EYA1: variants seen among roughly 807,000 people sequenced by gnomAD.
EYA1 encodes EYA transcriptional coactivator and phosphatase 1, also known as protein phosphatase EYA1.
In EYA1, 16 loss-of-function variants were observed where a neutral mutation model predicts 82.0. That is an observed-to-expected ratio of 0.20 (90% CI 0.13 to 0.30). The LOEUF (loss-of-function observed/expected upper bound fraction) is 0.30, where lower values mean the gene tolerates loss of function less well. EYA1 is among the 10% of genes least tolerant of loss of function. The pLI is 1.00. For synonymous variants in EYA1, 261 were observed against 264.4 expected (o/e 0.99, Z 0.12); for missense variants, 633 against 730.7 (o/e 0.87, Z 1.54).
At chr8:71,507,107 C>A (rs151056812) in intron 2 of EYA1, among the ~76,000 whole-genome samples, 1 of 152,168 alleles carries the variant, frequency 6.6e-6, no homozygotes, top group Non-Finnish European at 1.5e-5. Flanking sequence ...GTACTATGTG[C>A]CAGGCACTAG....
intron 2 of EYA1, among the ~76,000 whole-genome samples, chr8:71,485,776 A>G (rs778476102): frequency 1.3e-5 from 2 of 152,216 alleles, no homozygotes; most frequent in African/African-American, 4.8e-5. Flanking sequence ...AAGGGCTGAA[A>G]TGTTTCCAAA....
intron 2 of EYA1, among the ~76,000 whole-genome samples, chr8:71,489,819 A>G (rs1810861439): frequency 1.3e-5 from 2 of 152,256 alleles, no homozygotes; most frequent in African/African-American, 2.4e-5. Flanking sequence ...TCAGTTGACA[A>G]TGCTGCAACC....
chr8:71,317,447 C>T, intron 7 of EYA1, 105 bp downstream of exon 7: 1 of 1,217,902 alleles, frequency 8.2e-7, no homozygotes, highest in Non-Finnish European at 1.2e-6. Context: ...AAGCCCAATC[C>T]AGTTGCCATC....
At chr8:71,357,910 A>G (rs2129073905) in intron 1 of EYA1, among the ~76,000 whole-genome samples, 1 of 152,206 alleles carries the variant, frequency 6.6e-6, no homozygotes, top group East Asian at 1.9e-4. Context: ...ATGTTCTCAC[A>G]CAAGTTTAAG....
At position 71,295,456 on chromosome 8, in the gene EYA1, C is replaced by A. The variant is rs532369152; in HGVS notation, c.826+3591G>T. Among the ~76,000 whole-genome samples the A allele has an allele frequency of 6.6e-5, 10 of 152,170 alleles. No individual in the cohort carries two copies. In the South Asian group the frequency reaches 2.1e-3, roughly 32 times the overall value. The stretch of plus-strand genomic sequence containing the variant: ...CTCACCAAAGAAGACATACAGATGG[C>A]AAATAAGCATATGAAAAGGTGCTTC... On this transcript the variant is annotated intron_variant, in intron 9 of 17. Coordinates refer to ENST00000340726, the MANE Select transcript of EYA1 (RefSeq NM_000503.6).
At chr8:71,226,361 A>G (rs1240614196) in intron 12 of EYA1, among the ~76,000 whole-genome samples, 1 of 151,984 alleles carries the variant, frequency 6.6e-6, no homozygotes, top group Non-Finnish European at 1.5e-5. Context: ...TACAATGTTA[A>G]TAAATATGAT....
chr8:71,334,415 A>G (rs937599320), intron 3 of EYA1: 1 of 540,300 alleles, frequency 1.9e-6, no homozygotes, highest in African/African-American at 1.9e-5. Flanking sequence ...CTGTAAAAGT[A>G]ATTAAATTCA....
chr8:71,394,769 A>C (rs1179240463), intron 2 of EYA1, among the ~76,000 whole-genome samples: 1 of 152,172 alleles, frequency 6.6e-6, no homozygotes, highest in African/African-American at 2.4e-5. Context: ...TGTCTTGGCA[A>C]TGAGGGCTCT....
chr8:71,416,388 G>T (rs1035973939), intron 2 of EYA1, among the ~76,000 whole-genome samples: 7 of 152,148 alleles, frequency 4.6e-5, no homozygotes, highest in Non-Finnish European at 8.8e-5. Flanking sequence ...TTGCAGTTGT[G>T]CCATCTGGGT....
intron 2 of EYA1, among the ~76,000 whole-genome samples, chr8:71,455,928 A>C (rs1807858065): frequency 1.3e-5 from 2 of 152,196 alleles, no homozygotes; most frequent in Non-Finnish European, 2.9e-5. Context: ...AGGAGAAAGA[A>C]ATGAAGGGTA....
chr8:71,472,786 A>AAGAT (rs1554592227), intron 2 of EYA1, among the ~76,000 whole-genome samples: 5 of 82,512 alleles, frequency 6.1e-5, no homozygotes, highest in Admixed American at 1.4e-4. Context: ...TGTAGCTTTG[A>AAGAT]AGATATATAT....
At chr8:71,280,908 C>T (rs1479629271) in intron 9 of EYA1, among the ~76,000 whole-genome samples, 2 of 151,344 alleles carry the variant, frequency 1.3e-5, no homozygotes, top group Non-Finnish European at 2.9e-5. Context: ...ACCACCATCC[C>T]CAGCTAATTT....
At chr8:71,366,433 G>A (rs1827760465), upstream of EYA1, among the ~76,000 whole-genome samples, 1 of 152,086 alleles carries the variant, frequency 6.6e-6, no homozygotes, top group Admixed American at 6.6e-5. Flanking sequence ...TGTGAAATGG[G>A]TTTCTGTTGA....
intron 2 of EYA1, among the ~76,000 whole-genome samples, chr8:71,482,806 T>C (rs2129213826): frequency 6.6e-6 from 1 of 152,330 alleles, no homozygotes; most frequent in Non-Finnish European, 1.5e-5. Flanking sequence ...ATAGGATTCC[T>C]ATTTACATGA....
intron 7 of EYA1, among the ~76,000 whole-genome samples, chr8:71,306,692 T>C (rs1005569079): frequency 6.6e-6 from 1 of 152,162 alleles, no homozygotes; most frequent in African/African-American, 2.4e-5. Flanking sequence ...ACATTTTCCA[T>C]CCTTCAAGGC....
intron 4 of EYA1, among the ~76,000 whole-genome samples, chr8:71,332,034 TG>T (rs1419960193): frequency 6.6e-6 from 1 of 152,004 alleles, no homozygotes; most frequent in African/African-American, 2.4e-5. Flanking sequence ...AATTATTTTT[TG>T]TAGAGACAGG....
intron 9 of EYA1, among the ~76,000 whole-genome samples, chr8:71,286,296 C>A (rs540871081): frequency 6.6e-6 from 1 of 152,202 alleles, no homozygotes; most frequent in South Asian, 2.1e-4. Flanking sequence ...CAGGAGCACA[C>A]CCTCGTGGTA....
At chr8:71,460,661 T>A (rs1251677880) in intron 2 of EYA1, among the ~76,000 whole-genome samples, 1 of 152,128 alleles carries the variant, frequency 6.6e-6, no homozygotes. Context: ...GGCTCTGAAG[T>A]GTTTCAAAAA....
chr8:71,385,393 C>T (rs1242540122), intron 2 of EYA1, among the ~76,000 whole-genome samples: 3 of 151,636 alleles, frequency 2.0e-5, no homozygotes, highest in Non-Finnish European at 4.4e-5. Flanking sequence ...TGAGCCACCA[C>T]GTAAAACAAA....
Sources: allele counts gnomAD v4.1 joint callset (sites outside exome capture counted in the v4.1 genomes callset), GRCh38; gene constraint gnomAD v4.1.1; transcripts MANE v1.5; gene names NCBI Gene and HGNC (gene_info 2026-07-23, HGNC 2026-07-21).